METTL24: variants seen among roughly 807,000 people sequenced by gnomAD.
METTL24 encodes probable methyltransferase-like protein 24.
In METTL24, 29 loss-of-function variants were observed where a neutral mutation model predicts 32.7. The observed-to-expected ratio is 0.89, with a 90% CI of 0.66 to 1.21. The LOEUF is 1.21. METTL24 is among the 50% of genes most tolerant of loss of function. The pLI is 0.00. For synonymous variants in METTL24, 163 were observed against 179.5 expected (o/e 0.91, Z 0.73); for missense variants, 439 against 468.1 (o/e 0.94, Z 0.57).
At chr6:110,267,124 T>G (rs894468281) in intron 4 of METTL24, among the ~76,000 whole-genome samples, 2 of 152,162 alleles carry the variant, frequency 1.3e-5, no homozygotes, top group Non-Finnish European at 2.9e-5. Context: ...CCCATGCAAG[T>G]GACAGGCCCT....
At chr6:110,260,827 A>G (rs1225116012) in intron 4 of METTL24, among the ~76,000 whole-genome samples, 1 of 152,234 alleles carries the variant, frequency 6.6e-6, no homozygotes, top group Non-Finnish European at 1.5e-5. Context: ...TTCTTAAAGA[A>G]AAGAATTTTC....
At chr6:110,285,391 T>C (rs1437704343) in intron 4 of METTL24, among the ~76,000 whole-genome samples, 2 of 152,098 alleles carry the variant, frequency 1.3e-5, no homozygotes, top group Non-Finnish European at 2.9e-5. Context: ...GGCTGGAAAA[T>C]AAATCAGGTT....
chr6:110,247,548 T>C (rs1778191439), intron 4 of METTL24, among the ~76,000 whole-genome samples: 1 of 152,180 alleles, frequency 6.6e-6, no homozygotes, highest in Admixed American at 6.5e-5. Flanking sequence ...TCAAGGGGGA[T>C]AATTCTACCA....
At position 110,303,668 on chromosome 6, in the gene METTL24, G is replaced by C. The variant is rs528978190; in HGVS notation, c.558-4518C>G. 5.9e-5 allele frequency among the ~76,000 whole-genome samples: 9 copies of C among 152,296 alleles called. No homozygotes were observed. In the East Asian group the frequency reaches 1.4e-3, roughly 23 times the overall value. Reference sequence around the variant, plus strand: ...GAAAGAAATGCAGCAACCCCACTCAGGGGCTTATAGACAAAACTTCCATCT... The same window carrying C: ...GAAAGAAATGCAGCAACCCCACTCACGGGCTTATAGACAAAACTTCCATCT... On this transcript the variant is annotated intron_variant, in intron 3 of 4. Transcript: ENST00000338882.
At chr6:110,284,608 T>A (rs1033891978) in intron 4 of METTL24, among the ~76,000 whole-genome samples, 2 of 145,766 alleles carry the variant, frequency 1.4e-5, no homozygotes, top group Admixed American at 6.6e-5. Flanking sequence ...CCTGTGAATA[T>A]GAAGAAGTGA....
rs1778109397 is a variant in METTL24 at position 110,244,446 on chromosome 6, A to T, written c.*1500T>A. Among the ~76,000 whole-genome samples the T allele has an allele frequency of 6.6e-6, 1 of 152,212 alleles. No individual in the cohort carries two copies. The highest frequency in any genetic ancestry group is 2.4e-5 in the African/African-American group (1 of 41,442). ...TTTTTCAAATACGTAAAATCTAAAAAGTGTAATACCCAAAGTATTAGTCCA... is the reference window on the plus strand; with the variant it reads ...TTTTTCAAATACGTAAAATCTAAAATGTGTAATACCCAAAGTATTAGTCCA... On this transcript the variant is annotated 3_prime_UTR_variant, in exon 5 of 5. Transcript: ENST00000338882.
intron 4 of METTL24, among the ~76,000 whole-genome samples, chr6:110,291,465 T>G (rs1485356608): frequency 6.6e-6 from 1 of 152,216 alleles, no homozygotes; most frequent in Non-Finnish European, 1.5e-5. Context: ...TTTTTCCCAT[T>G]GAATTATGTT....
At chr6:110,280,980 T>C (rs1037438982) in intron 4 of METTL24, among the ~76,000 whole-genome samples, 2 of 152,166 alleles carry the variant, frequency 1.3e-5, no homozygotes, top group Non-Finnish European at 2.9e-5. Flanking sequence ...ATAGTAGTTA[T>C]CTTAGCAGCA....
At chr6:110,319,480 G>T (rs1771893495) in intron 2 of METTL24, among the ~76,000 whole-genome samples, 1 of 148,462 alleles carries the variant, frequency 6.7e-6, no homozygotes, top group African/African-American at 2.5e-5. Flanking sequence ...AGAAAAACAG[G>T]CTTTAAAACA....
intron 4 of METTL24, among the ~76,000 whole-genome samples, chr6:110,286,208 C>G (rs1771218013): frequency 6.6e-6 from 1 of 152,128 alleles, no homozygotes; most frequent in Non-Finnish European, 1.5e-5. Flanking sequence ...TCCTGACCCC[C>G]GTCTTGTTTC....
intron 2 of METTL24, among the ~76,000 whole-genome samples, chr6:110,319,716 GA>G (rs912068054): frequency 1.2e-3 from 171 of 144,890 alleles, no homozygotes; most frequent in East Asian, 3.6e-3. Flanking sequence ...CTTTCACATT[GA>G]AAAAAAAAAA....
intron 4 of METTL24, among the ~76,000 whole-genome samples, chr6:110,280,011 AGACAGGAAGTAG>A (rs1771110460): frequency 6.6e-6 from 1 of 152,176 alleles, no homozygotes; most frequent in Non-Finnish European, 1.5e-5. Context: ...CAGGCGCAAG[AGACAGGAAGTAG>A]GTGCTGCACA....
rs112036915 is a variant in METTL24, at chr6:110,251,450, A to G, written c.787-5190T>C. The stretch of plus-strand genomic sequence containing the variant: ...ACATAGAACCTGGGATATTCAATGG[A>G]TTAAGATGACTAATAAAGAAAATAA... On this transcript the variant is annotated intron_variant, in intron 4 of 4. Transcript: ENST00000338882. 4.9e-3 allele frequency among the ~76,000 whole-genome samples: 751 copies of G among 152,322 alleles called. 10 individuals carry two copies. The highest frequency in any genetic ancestry group is 0.017 in the African/African-American group (725 of 41,570).
At chr6:110,351,480 T>C (rs1045183774) in intron 1 of METTL24, among the ~76,000 whole-genome samples, 12 of 152,206 alleles carry the variant, frequency 7.9e-5, no homozygotes, top group African/African-American at 2.7e-4. Flanking sequence ...ACATTGATGT[T>C]AGGGTCTAGG....
Position 110,332,205 on chromosome 6 carries a change from CA to C in METTL24, c.319-9334del, listed in dbSNP as rs201401230. 4.3e-4 allele frequency among the ~76,000 whole-genome samples: 65 copies of C among 152,318 alleles called. 1 individual carries two copies. The East Asian group carries it at 0.01, about 24-fold the overall frequency. On this transcript the variant is annotated intron_variant, in intron 1 of 4. Coordinates refer to ENST00000338882, the MANE Select transcript of METTL24 (RefSeq NM_001123364.3). Reference sequence around the variant, plus strand: ...AAAATATAAGACAAGAAGGAATAAACACTCAACTCTGGATTTATCCTCTAAG... The same window carrying C: ...AAAATATAAGACAAGAAGGAATAAACCTCAACTCTGGATTTATCCTCTAAG...
At chr6:110,354,248 GGAAA>G (rs1772663449) in intron 1 of METTL24, among the ~76,000 whole-genome samples, 1 of 152,136 alleles carries the variant, frequency 6.6e-6, no homozygotes, top group Admixed American at 6.5e-5. Flanking sequence ...AAGGGGACGA[GGAAA>G]GAAAGAATTA....
At chr6:110,273,690 CA>C (rs1242297967) in intron 4 of METTL24, among the ~76,000 whole-genome samples, 3 of 152,270 alleles carry the variant, frequency 2.0e-5, no homozygotes, top group African/African-American at 7.2e-5. Flanking sequence ...CTTACCCCTG[CA>C]AGAATGGCAA....
At chr6:110,302,538 T>C (rs1405693871) in intron 3 of METTL24, among the ~76,000 whole-genome samples, 1 of 117,248 alleles carries the variant, frequency 8.5e-6, no homozygotes, top group Non-Finnish European at 1.6e-5. Flanking sequence ...TATATACACA[T>C]ATACACACAC....
intron 4 of METTL24, among the ~76,000 whole-genome samples, chr6:110,254,644 A>G (rs945496749): frequency 2.0e-5 from 3 of 152,200 alleles, no homozygotes; most frequent in Non-Finnish European, 4.4e-5. Flanking sequence ...GAAATAAAAT[A>G]AATACATAAA....
Sources: gnomAD v4.1 joint callset for allele counts (sites outside exome capture counted in the v4.1 genomes callset) on GRCh38, gnomAD v4.1.1 for gene constraint, MANE v1.5 for transcripts, NCBI Gene and HGNC (gene_info 2026-07-23, HGNC 2026-07-21) for gene names.